Variants in SPOP observed in about 807,000 individuals in gnomAD.
SPOP encodes speckle-type POZ protein.
In SPOP, 11 loss-of-function variants were observed where a neutral mutation model predicts 45.6. The observed-to-expected ratio is 0.24, with a 90% confidence interval of 0.15 to 0.40. SPOP has a LOEUF of 0.40. SPOP is among the 10% of genes least tolerant of loss of function. SPOP has a pLI of 1.00. For synonymous variants in SPOP, 166 were observed against 166.3 expected, an observed-to-expected ratio of 1.00 and a Z score of 0.01; for missense variants, 152 against 465.6, an observed-to-expected ratio of 0.33 and a Z score of 6.20.
Position 49,600,250 on chromosome 17 carries a change from C to A in SPOP, c.*128G>T. On this transcript the variant is annotated 3_prime_UTR_variant, in exon 10 of 10. Transcript: ENST00000504102. This position sits in a 1 kb window ranked among gnomAD's most constrained non-coding sequence, Gnocchi z 4.2. ...GTGCTGTTTTAAAAGTCTGGGGCCA[C>A]AATGCAGTCTCTTCCCCTCACAACA... The A allele has an allele frequency of 8.0e-7, 1 of 1,254,498 alleles. No individual in the cohort carries two copies. The highest frequency in any genetic ancestry group is 1.1e-6 in the Non-Finnish European group (1 of 893,554). The allele number at this position is 1,254,498 out of a possible 1,614,324, so 77.7% of individuals were successfully genotyped here.
chr17:49,648,820 G>C (rs560593203), intron 1 of SPOP, among the ~76,000 whole-genome samples: 1 of 152,064 alleles, frequency 6.6e-6, no homozygotes, highest in South Asian at 2.1e-4. Context: ...GTGCAGTGGC[G>C]GATCTCGACT....
chr17:49,662,383 A>T (rs1480981582), intron 1 of SPOP, among the ~76,000 whole-genome samples: 1 of 152,156 alleles, frequency 6.6e-6, no homozygotes, highest in East Asian at 1.9e-4. Context: ...CTCTGCTGTT[A>T]GAAAATGGTA....
At chr17:49,617,246 G>C (rs1445175034) in intron 5 of SPOP, among the ~76,000 whole-genome samples, 1 of 152,208 alleles carries the variant, frequency 6.6e-6, no homozygotes. Context: ...ATTTCCAATA[G>C]AAACTAGAAT....
intron 1 of SPOP, among the ~76,000 whole-genome samples, chr17:49,637,314 T>C (rs916263149): frequency 1.3e-5 from 2 of 152,134 alleles, no homozygotes; most frequent in African/African-American, 4.8e-5. Flanking sequence ...CTCAAAAAAA[T>C]ATTATACTTA....
At chr17:49,643,948 AG>A (rs1653631312) in intron 1 of SPOP, among the ~76,000 whole-genome samples, 1 of 151,850 alleles carries the variant, frequency 6.6e-6, no homozygotes, top group Non-Finnish European at 1.5e-5. Flanking sequence ...AAAAAAAAAA[AG>A]AAAGTATTCT....
chr17:49,654,995 T>C (rs2072888681), intron 1 of SPOP, among the ~76,000 whole-genome samples: 1 of 152,104 alleles, frequency 6.6e-6, no homozygotes, highest in Non-Finnish European at 1.5e-5. Context: ...GAAAAGCCAG[T>C]CAGTCACCTT....
At chr17:49,633,910 C>T (rs1005240150) in intron 1 of SPOP, among the ~76,000 whole-genome samples, 8 of 151,666 alleles carry the variant, frequency 5.3e-5, no homozygotes, top group Admixed American at 2.6e-4. Context: ...GAATAATGGC[C>T]GCAACAAGCA....
chr17:49,675,170 A>G (rs115040770), intron 1 of SPOP, among the ~76,000 whole-genome samples: 3,270 of 152,344 alleles, frequency 0.021, 55 homozygotes, highest in South Asian at 0.064. Context: ...ACAGACACCC[A>G]TGTACACAGA....
At chr17:49,629,761 T>A (rs2072413957) in intron 1 of SPOP, among the ~76,000 whole-genome samples, 1 of 152,232 alleles carries the variant, frequency 6.6e-6, no homozygotes, top group Admixed American at 6.5e-5. Flanking sequence ...CATTTCTCCA[T>A]CATCAGTCTA....
At position 49,617,923 on chromosome 17, in the gene SPOP, CAAAAAAA is replaced by C. The variant is rs907445153; in HGVS notation, c.480+1051_480+1057del. ...TGGGTGACAGAGCAAGACTCCGTCT[CAAAAAAA>C]AAAAAAAAAAAAAGAAAGAAAGCAA... On this transcript the variant is annotated intron_variant, in intron 5 of 9. Transcript: ENST00000504102. Among the ~76,000 whole-genome samples the C allele has an allele frequency of 6.6e-4, 37 of 55,890 alleles. No homozygotes were observed. The South Asian group carries it at 0.017, about 26-fold the overall frequency. 36.7% of individuals were successfully genotyped at this position (55,890 alleles called of 152,430 possible).
At chr17:49,655,020 T>G (rs1206590791) in intron 1 of SPOP, among the ~76,000 whole-genome samples, 1 of 152,114 alleles carries the variant, frequency 6.6e-6, no homozygotes, top group Non-Finnish European at 1.5e-5. Context: ...TGCCTTACCT[T>G]GGTCAAAACT....
chr17:49,645,757 T>TA (rs1293143353), intron 1 of SPOP, among the ~76,000 whole-genome samples: 1 of 152,190 alleles, frequency 6.6e-6, no homozygotes, highest in African/African-American at 2.4e-5. Context: ...AGACAGATTA[T>TA]AAAAAGAACA....
chr17:49,647,964 G>A (rs538272302), intron 1 of SPOP, among the ~76,000 whole-genome samples: 110 of 152,242 alleles, frequency 7.2e-4, no homozygotes, highest in African/African-American at 2.6e-3. Flanking sequence ...TTACAGAAAA[G>A]CACAATTTTT....
chr17:49,651,974 G>A lies in SPOP; in HGVS notation c.-67+25959C>T, dbSNP rs148151369. ...GCGAAGGTTGCAATGAGCCGAAATC[G>A]TGCCATTGCACTCCAGCCTGGGTGA... On this transcript the variant is annotated intron_variant, in intron 1 of 9. Transcript: ENST00000504102. Among the ~76,000 whole-genome samples, 207 of 151,810 alleles carry A rather than the reference G, an allele frequency of 1.4e-3. 4 individuals carry two copies. In the East Asian group the frequency reaches 0.026, roughly 19 times the overall value.
intron 1 of SPOP, among the ~76,000 whole-genome samples, chr17:49,671,496 A>C (rs1036509796): frequency 6.6e-6 from 1 of 152,036 alleles, no homozygotes; most frequent in Admixed American, 6.5e-5. Flanking sequence ...CTCATAGCTC[A>C]AGCTTAAAGG....
chr17:49,647,735 C>A (rs139333735), intron 1 of SPOP, among the ~76,000 whole-genome samples: 1,687 of 152,276 alleles, frequency 0.011, 38 homozygotes, highest in East Asian at 0.094. Context: ...CCCACCTTGG[C>A]CTCCCAAAGT....
chr17:49,655,723 G>A (rs545827328), intron 1 of SPOP, among the ~76,000 whole-genome samples: 3 of 152,218 alleles, frequency 2.0e-5, no homozygotes, highest in Non-Finnish European at 2.9e-5. Context: ...TGTATATGAG[G>A]ATAATTTAAA....
At chr17:49,607,121 A>G in intron 8 of SPOP, 129 bp downstream of exon 8, 1 of 1,157,410 alleles carries the variant, frequency 8.6e-7, no homozygotes, top group Non-Finnish European at 1.2e-6. Flanking sequence ...ATATGTGTAA[A>G]CCAGGACCGT....
At chr17:49,609,537 G>GTA (rs1443516279) in intron 6 of SPOP, among the ~76,000 whole-genome samples, 33 of 152,134 alleles carry the variant, frequency 2.2e-4, no homozygotes, top group African/African-American at 7.5e-4. Flanking sequence ...GCTCACCAAT[G>GTA]TATAAAGGGA....
Sources: allele counts gnomAD v4.1 joint callset (sites outside exome capture counted in the v4.1 genomes callset), GRCh38; gene constraint gnomAD v4.1.1; non-coding constraint Gnocchi (gnomAD v3.1); transcripts MANE v1.5; gene names NCBI Gene and HGNC (gene_info 2026-07-23, HGNC 2026-07-21).